ANO2: variants seen among roughly 807,000 people sequenced by gnomAD.
The protein encoded by ANO2 is anoctamin 2.
ANO2 carries 101 observed loss-of-function variants against 124.2 expected under a neutral mutation model. That is an observed-to-expected ratio of 0.81 (90% confidence interval 0.69 to 0.96). ANO2 has a LOEUF of 0.96. ANO2 is among the 40% of genes least tolerant of loss of function. The probability of loss-of-function intolerance (pLI) is 0.00; values close to 1 mark genes in which losing one functional copy is unlikely to be tolerated. For missense variants in ANO2, 1,293 were observed against 1,274.5 expected (o/e 1.01, Z -0.22); for synonymous variants, 486 against 482.5 (o/e 1.01, Z -0.09).
chr12:5,807,431 G>T, intron 7 of ANO2, 63 bp from the exon 8 acceptor site: 1 of 1,419,172 alleles, frequency 7.0e-7, no homozygotes. Flanking sequence ...CTTAACCCCT[G>T]TTTTTTGATA....
chr12:5,608,304 A>G (rs571770644), intron 19 of ANO2, among the ~76,000 whole-genome samples: 24 of 150,352 alleles, frequency 1.6e-4, no homozygotes, highest in South Asian at 8.6e-4. Flanking sequence ...TCGTATGACC[A>G]AACTCAAAAT....
At chr12:5,857,783 T>TAGATAGAC (rs1955147801) in intron 3 of ANO2, among the ~76,000 whole-genome samples, 1 of 144,546 alleles carries the variant, frequency 6.9e-6, no homozygotes. Context: ...GATAGATAGA[T>TAGATAGAC]AGATAGATAG....
At chr12:5,693,221 A>T (rs928534309) in intron 14 of ANO2, among the ~76,000 whole-genome samples, 15 of 152,150 alleles carry the variant, frequency 9.9e-5, no homozygotes, top group Admixed American at 2.0e-4. Context: ...ACGTTTCTAC[A>T]TGGATATGCA....
intron 7 of ANO2, among the ~76,000 whole-genome samples, chr12:5,821,516 C>T (rs1013028678): frequency 2.6e-5 from 4 of 152,220 alleles, no homozygotes; most frequent in Non-Finnish European, 5.9e-5. Context: ...GGTCACATGA[C>T]CCAGCAGATC....
chr12:5,946,198 C>T, upstream of ANO2: 1 of 1,612,860 alleles, frequency 6.2e-7, no homozygotes, highest in Non-Finnish European at 8.5e-7. The surrounding 1 kb of genome is among the most constrained non-coding windows in gnomAD (Gnocchi z 4.1). Context: ...GTAGGCTGGT[C>T]ATGATAGATC....
At chr12:5,747,318 A>G (rs931817117) in intron 11 of ANO2, among the ~76,000 whole-genome samples, 1 of 152,248 alleles carries the variant, frequency 6.6e-6, no homozygotes, top group Admixed American at 6.5e-5. Flanking sequence ...TGGCTGAAAG[A>G]CACAAACCCT....
intron 3 of ANO2, among the ~76,000 whole-genome samples, chr12:5,883,210 ATC>A (rs1938627221): frequency 6.6e-6 from 1 of 152,062 alleles, no homozygotes; most frequent in East Asian, 1.9e-4. Flanking sequence ...GCAATTAAAT[ATC>A]TGAGGCCCAA....
At chr12:5,632,429 AATTTT>A (rs1338094842) in intron 16 of ANO2, among the ~76,000 whole-genome samples, 2 of 151,944 alleles carry the variant, frequency 1.3e-5, no homozygotes, top group East Asian at 3.8e-4. Flanking sequence ...TGGAGTTACA[AATTTT>A]ATTTTAAGTT....
At chr12:5,782,174 C>T (rs1591610317) in intron 10 of ANO2, among the ~76,000 whole-genome samples, 1 of 152,190 alleles carries the variant, frequency 6.6e-6, no homozygotes, top group East Asian at 1.9e-4. Flanking sequence ...ATGAATTAAC[C>T]CCTTTGTCAA....
At chr12:5,722,261 C>G (rs1219028923) in intron 14 of ANO2, among the ~76,000 whole-genome samples, 1 of 152,170 alleles carries the variant, frequency 6.6e-6, no homozygotes, top group African/African-American at 2.4e-5. Context: ...AATCCCAGCA[C>G]TTTGGGAGGC....
intron 16 of ANO2, among the ~76,000 whole-genome samples, chr12:5,623,655 G>A (rs1270505374): frequency 1.3e-5 from 2 of 152,132 alleles, no homozygotes; most frequent in African/African-American, 2.4e-5. Flanking sequence ...AGGAGAGGAC[G>A]CCAGCTGCAG....
intron 10 of ANO2, among the ~76,000 whole-genome samples, chr12:5,768,270 C>A (rs1370216121): frequency 6.6e-6 from 1 of 152,206 alleles, no homozygotes; most frequent in South Asian, 2.1e-4. Flanking sequence ...CTCCCCTTCT[C>A]TTCCTCTCCT....
intron 14 of ANO2, among the ~76,000 whole-genome samples, chr12:5,728,641 T>A (rs995515340): frequency 6.6e-6 from 1 of 152,124 alleles, no homozygotes; most frequent in Non-Finnish European, 1.5e-5. Flanking sequence ...GACAAGTTAG[T>A]CATGAAGTTC....
intron 15 of ANO2, among the ~76,000 whole-genome samples, chr12:5,639,615 A>C (rs547920889): frequency 2.5e-3 from 374 of 152,212 alleles, no homozygotes; most frequent in African/African-American, 8.3e-3. Flanking sequence ...ACCTAAAGGA[A>C]GGATTTAAGG....
At chr12:5,606,138 G>A (rs375009549) in intron 19 of ANO2, among the ~76,000 whole-genome samples, 5 of 152,284 alleles carry the variant, frequency 3.3e-5, no homozygotes, top group South Asian at 2.1e-4. Context: ...TGATGGGGGC[G>A]GCTGCTGCCT....
At chr12:5,931,175 T>C (rs1384057836) in intron 1 of ANO2, among the ~76,000 whole-genome samples, 1 of 152,166 alleles carries the variant, frequency 6.6e-6, no homozygotes. Flanking sequence ...ATATATGACA[T>C]ACAGGGTCTT....
chr12:5,744,182 G>C lies in ANO2; in HGVS notation c.1326C>G (p.Phe442Leu), dbSNP rs781048169. The C allele has an allele frequency of 1.9e-6, 3 of 1,613,170 alleles. No individual in the cohort carries two copies. In the Admixed American group the frequency reaches 5.0e-5, roughly 27 times the overall value. ...SHLFDNPATV[F>L]FSIFMALWAT... The stretch of plus-strand genomic sequence containing the variant: ...CCCACAGAGCCATGAAGATAGAGAA[G>C]AAGACGGTGGCAGGGTTGTCAAACA... Residue 442 changes from phenylalanine (F) to leucine (L), a missense_variant, in exon 12 of 25, where the codon TTC becomes TTG. Coordinates refer to ENST00000682330, the MANE Select transcript of ANO2 (RefSeq NM_001364791.2).
In ANO2 at chr12:5,732,865, C is replaced by G. The variant is rs200963904; in HGVS notation, c.1435-235G>C. ...ACTCGTTATCACACTGAAAACCAAA[C>G]CTGGGCACGTTCCTGGGGATAGCGC... On this transcript the variant is annotated intron_variant, in intron 13 of 24. Transcript: ENST00000682330. 4.9e-5 allele frequency: 79 copies of G among 1,613,980 alleles called. No individual in the cohort carries two copies. The African/African-American group carries it at 9.7e-4, about 20-fold the overall frequency.
intron 15 of ANO2, among the ~76,000 whole-genome samples, chr12:5,647,252 C>T (rs1013517220): frequency 2.6e-5 from 4 of 152,176 alleles, no homozygotes; most frequent in African/African-American, 4.8e-5. Flanking sequence ...CTTTCCCTGA[C>T]GCAGCTGAGA....
Sources: allele counts gnomAD v4.1 joint callset (sites outside exome capture counted in the v4.1 genomes callset), GRCh38; gene constraint gnomAD v4.1.1; non-coding constraint Gnocchi (gnomAD v3.1); transcripts MANE v1.5; gene names NCBI Gene and HGNC (gene_info 2026-07-23, HGNC 2026-07-21).